PRICKLE2: variants seen among roughly 807,000 people sequenced by gnomAD.
PRICKLE2 encodes the protein prickle-like protein 2.
A neutral mutation model predicts 81.4 loss-of-function variants in PRICKLE2; 21 were observed. The ratio of observed to expected loss-of-function variants is 0.26; its 90% CI spans 0.18 to 0.37. The LOEUF is 0.37. PRICKLE2 is among the 10% of genes least tolerant of loss of function. PRICKLE2 has a pLI of 1.00. For missense variants in PRICKLE2, 940 were observed against 1,109.0 expected (o/e 0.85, Z 2.16); for synonymous variants, 456 against 421.5 (o/e 1.08, Z -1.00).
At chr3:64,257,637 A>T (rs944756030) in intron 2 of PRICKLE2, among the ~76,000 whole-genome samples, 3 of 152,180 alleles carry the variant, frequency 2.0e-5, no homozygotes, top group Admixed American at 6.5e-5. Context: ...CCAAGGGGAA[A>T]GTCTTATGGA....
At chr3:64,216,085 C>G (rs767887784) in intron 1 of PRICKLE2, among the ~76,000 whole-genome samples, 32 of 152,172 alleles carry the variant, frequency 2.1e-4, no homozygotes, top group Admixed American at 6.5e-4. Flanking sequence ...AACATTAGCT[C>G]CTGGGTAATC....
intron 2 of PRICKLE2, among the ~76,000 whole-genome samples, chr3:64,165,961 A>G (rs1447904092): frequency 7.3e-6 from 1 of 136,520 alleles, no homozygotes; most frequent in East Asian, 2.1e-4. Context: ...AACTGTTATA[A>G]AGGTGTGTGT....
chr3:64,160,612 C>G (rs1418068937), intron 3 of PRICKLE2, among the ~76,000 whole-genome samples: 1 of 152,140 alleles, frequency 6.6e-6, no homozygotes, highest in Non-Finnish European at 1.5e-5. Context: ...AGGAGTTGGA[C>G]CAGGCATCTG....
chr3:64,156,062 A>G (rs1424824401), intron 5 of PRICKLE2, among the ~76,000 whole-genome samples: 1 of 152,238 alleles, frequency 6.6e-6, no homozygotes, highest in East Asian at 1.9e-4. Context: ...TGCTTCAATC[A>G]TATTCTAATT....
intron 1 of PRICKLE2, among the ~76,000 whole-genome samples, chr3:64,213,372 C>G (rs1575674028): frequency 6.6e-6 from 1 of 152,298 alleles, no homozygotes; most frequent in South Asian, 2.1e-4. Flanking sequence ...AGCCACCGTG[C>G]CCGGCCATGA....
intron 7 of PRICKLE2, among the ~76,000 whole-genome samples, chr3:64,111,371 T>C (rs1174419525): frequency 1.3e-5 from 2 of 152,210 alleles, no homozygotes; most frequent in African/African-American, 4.8e-5. Flanking sequence ...AAAGGGAGTT[T>C]GGATGATTTG....
Position 64,092,864 on chromosome 3 carries a change from T to C in PRICKLE2, c.*6187A>G, listed in dbSNP as rs2076525093. 6.6e-6 allele frequency: 1 copy of C among 152,232 alleles called. No individual in the cohort carries two copies. The highest frequency in any genetic ancestry group is 6.5e-5 in the Admixed American group (1 of 15,282). The allele number at this position is 152,232 out of a possible 1,614,324, so 9.4% of individuals were successfully genotyped here. Reference sequence around the variant, plus strand: ...TGACAATGTGTGGAGACATTTTTAATTGTGGTTAAATAAACATAATATAAA... The same window carrying C: ...TGACAATGTGTGGAGACATTTTTAACTGTGGTTAAATAAACATAATATAAA... On this transcript the variant is annotated 3_prime_UTR_variant, in exon 8 of 8. Coordinates refer to ENST00000638394, the MANE Select transcript of PRICKLE2 (RefSeq NM_198859.4).
intron 2 of PRICKLE2, among the ~76,000 whole-genome samples, chr3:64,192,366 T>A (rs1420495475): frequency 6.6e-6 from 1 of 152,140 alleles, no homozygotes; most frequent in Non-Finnish European, 1.5e-5. Context: ...AGCCAAACAT[T>A]AAATAAATAA....
In PRICKLE2 at chr3:64,207,593, C is replaced by T. The variant is rs1010638886; in HGVS notation, c.-40-8626G>A. Among the ~76,000 whole-genome samples the T allele has an allele frequency of 2.6e-5, 4 of 152,096 alleles. No homozygotes were observed. The East Asian group carries it at 5.8e-4, about 22-fold the overall frequency. On this transcript the variant is annotated intron_variant, in intron 1 of 7. Transcript: ENST00000638394. The stretch of plus-strand genomic sequence containing the variant: ...ATGTGCATTATTCAATCCAGATAAG[C>T]GGGTCTGTTCTGAACTGGTGCCCTG...
At chr3:64,124,147 G>A (rs1410627108) in intron 7 of PRICKLE2, among the ~76,000 whole-genome samples, 1 of 152,180 alleles carries the variant, frequency 6.6e-6, no homozygotes, top group Non-Finnish European at 1.5e-5. Context: ...AAGTTTAAGT[G>A]GGCTGGACAG....
At chr3:64,154,279 C>T (rs2077591490) in intron 5 of PRICKLE2, 2 of 152,080 alleles carry the variant, frequency 1.3e-5, no homozygotes, top group Admixed American at 1.3e-4. Flanking sequence ...GTGGCTCACA[C>T]CTATAATCCC....
intron 2 of PRICKLE2, among the ~76,000 whole-genome samples, chr3:64,169,323 T>C (rs144701075): frequency 1.1e-3 from 170 of 152,312 alleles, no homozygotes; most frequent in African/African-American, 4.0e-3. Context: ...GTTATGAGCC[T>C]GGACTTCAAA....
intron 1 of PRICKLE2, among the ~76,000 whole-genome samples, chr3:64,206,173 C>T (rs965158657): frequency 6.6e-6 from 1 of 152,076 alleles, no homozygotes; most frequent in Admixed American, 6.5e-5. Flanking sequence ...AGTAGGATGT[C>T]CCAGTGACTA....
intron 3 of PRICKLE2, among the ~76,000 whole-genome samples, chr3:64,162,633 A>G (rs1272926962): frequency 1.3e-5 from 2 of 152,218 alleles, no homozygotes; most frequent in African/African-American, 4.8e-5. Context: ...GAGAGTCACA[A>G]AGCTTTTGTA....
chr3:64,199,255 T>C (rs1428017049), intron 1 of PRICKLE2: 5 of 558,292 alleles, frequency 9.0e-6, no homozygotes, highest in African/African-American at 3.8e-5. Flanking sequence ...CCAAGAGGAA[T>C]GGTAATATAG....
intron 2 of PRICKLE2, among the ~76,000 whole-genome samples, chr3:64,164,521 G>A (rs1029128669): frequency 6.6e-5 from 10 of 152,222 alleles, no homozygotes; most frequent in Admixed American, 6.5e-4. Flanking sequence ...ATAAATGTTA[G>A]AAGAGGGGGT....
intron 2 of PRICKLE2, among the ~76,000 whole-genome samples, chr3:64,188,565 G>T (rs78839161): frequency 1.6e-4 from 25 of 152,260 alleles, no homozygotes; most frequent in African/African-American, 5.3e-4. Context: ...TGAAAACCAC[G>T]GGACGAGGCA....
intron 2 of PRICKLE2, among the ~76,000 whole-genome samples, chr3:64,239,310 G>A (rs1012476997): frequency 6.6e-6 from 1 of 152,162 alleles, no homozygotes; most frequent in East Asian, 1.9e-4. Context: ...GGAAGGAAGG[G>A]CTGTTAGGAG....
Position 64,094,042 on chromosome 3 carries a change from A to T in PRICKLE2, c.*5009T>A, listed in dbSNP as rs1559500668. ...TAACAAATAGCTTGACACTCAACAC[A>T]GAACACAGACTCTGGCCTGCCTCAC... On this transcript the variant is annotated 3_prime_UTR_variant, in exon 8 of 8. Coordinates refer to ENST00000638394, the MANE Select transcript of PRICKLE2 (RefSeq NM_198859.4). 6.6e-6 allele frequency: 1 copy of T among 152,666 alleles called. No homozygotes were observed. The highest frequency in any genetic ancestry group is 1.5e-5 in the Non-Finnish European group (1 of 68,064). 9.5% of individuals were successfully genotyped at this position (152,666 alleles called of 1,614,324 possible).
Sources: gnomAD v4.1 joint callset for allele counts (sites outside exome capture counted in the v4.1 genomes callset) on GRCh38, gnomAD v4.1.1 for gene constraint, MANE v1.5 for transcripts, NCBI Gene and HGNC (gene_info 2026-07-23, HGNC 2026-07-21) for gene names.